The following HERC3 variants were observed in gnomAD, a reference collection of about 807,000 sequenced individuals.
HERC3 encodes the protein HECT and RLD domain containing E3 ubiquitin protein ligase 3.
Under a neutral mutation model 129.9 loss-of-function variants are expected in HERC3, and 58 were observed. That is an observed-to-expected ratio of 0.45 (90% confidence interval 0.36 to 0.56). The LOEUF is 0.56. Among genes scored for constraint, HERC3 ranks in the 20% least tolerant of loss-of-function variants. The probability of loss-of-function intolerance (pLI) is 0.00; values close to 1 mark genes in which losing one functional copy is unlikely to be tolerated. For synonymous variants in HERC3, 430 were observed against 451.0 expected (o/e 0.95, Z 0.59); for missense variants, 835 against 1,244.2 (o/e 0.67, Z 4.95).
intron 3 of HERC3, among the ~76,000 whole-genome samples, chr4:88,611,513 G>A (rs1724323193): frequency 6.6e-6 from 1 of 152,138 alleles, no homozygotes; most frequent in African/African-American, 2.4e-5. Flanking sequence ...GGGGGTTATG[G>A]GCAGGTCTGT....
intron 4 of HERC3, among the ~76,000 whole-genome samples, 173 bp downstream of exon 4, chr4:88,650,172 G>A (rs1729122150): frequency 6.6e-6 from 1 of 152,160 alleles, no homozygotes; most frequent in African/African-American, 2.4e-5. Flanking sequence ...TTATAGAAGT[G>A]TCTGTCTCTG....
At chr4:88,655,339 G>A (rs1729765801) in intron 8 of HERC3, 35 bp downstream of exon 8, 1 of 1,609,594 alleles carries the variant, frequency 6.2e-7, no homozygotes, top group African/African-American at 1.3e-5. Flanking sequence ...GTATTCACTA[G>A]GACCCAGAAA....
chr4:88,572,051 C>G, the HERC3 span, among the ~76,000 whole-genome samples: 6 of 152,208 alleles, frequency 3.9e-5, no homozygotes, highest in African/African-American at 1.4e-4. Flanking sequence ...AATTAGGACA[C>G]AGACATGCAT....
At chr4:88,635,531 A>G (rs2149248288) in intron 3 of HERC3, among the ~76,000 whole-genome samples, 1 of 152,306 alleles carries the variant, frequency 6.6e-6, no homozygotes, top group African/African-American at 2.4e-5. Context: ...GACTGATTGG[A>G]ATACCTGAAA....
At chr4:88,648,347 TC>T (rs1728918799) in intron 3 of HERC3, among the ~76,000 whole-genome samples, 1 of 152,214 alleles carries the variant, frequency 6.6e-6, no homozygotes. Flanking sequence ...TGGAGGCATA[TC>T]TTCCAGTAGC....
In HERC3 at chr4:88,667,454, TA is replaced by T; in HGVS notation, c.1411del (p.Met471Ter). The stretch of plus-strand genomic sequence containing the variant: ...TCAACTAGGGTGTTATTTGAGAAGT[TA>T]ATGAACTCTCAGCACTCCATGATTC... ...LNSTRVLFEKLMNSQHSMILE... is the reference protein window; with the variant it reads ...LNSTRVLFEKXMNSQHSMILE... On this transcript the variant is annotated frameshift_variant, in exon 13 of 26. Transcript: ENST00000402738. LOFTEE classifies it high-confidence loss of function. 1 of 1,605,488 alleles carries T rather than the reference TA, an allele frequency of 6.2e-7. No individual in the cohort carries two copies. The highest frequency in any genetic ancestry group is 8.5e-7 in the Non-Finnish European group (1 of 1,173,946).
chr4:88,592,654 A>C (rs981577352), intron 1 of HERC3, 80 bp downstream of exon 1: 5 of 152,208 alleles, frequency 3.3e-5, no homozygotes, highest in African/African-American at 1.2e-4. Context: ...TCCGCCTGGC[A>C]CTGCAGTCAG....
In HERC3 at chr4:88,605,880, GGGAATTGT is replaced by G; in HGVS notation, c.60_67del (p.Ile21Ter). 6.2e-7 allele frequency: 1 copy of G among 1,614,220 alleles called. No individual in the cohort carries two copies. The highest frequency in any genetic ancestry group is 8.5e-7 in the Non-Finnish European group (1 of 1,180,040). On this transcript the variant is annotated frameshift_variant, in exon 3 of 26. Coordinates refer to ENST00000402738, the MANE Select transcript of HERC3 (RefSeq NM_014606.3). LOFTEE classifies it high-confidence loss of function. ...AACCTGGTATCAGCACCAACCTGCA[GGGAATTGT>G]GGCTGAGCCCCAGGTGTGTGGGTTC...
At chr4:88,555,010 G>A in the HERC3 span, among the ~76,000 whole-genome samples, 6 of 150,484 alleles carry the variant, frequency 4.0e-5, no homozygotes, top group African/African-American at 1.2e-4. Context: ...TATCGTGGCC[G>A]TGCAGTGGCT....
the HERC3 span, among the ~76,000 whole-genome samples, chr4:88,586,328 G>A: frequency 6.6e-6 from 1 of 150,396 alleles, no homozygotes; most frequent in Non-Finnish European, 1.5e-5. Flanking sequence ...TAAATATTAT[G>A]TGTAGAATAA....
intron 3 of HERC3, among the ~76,000 whole-genome samples, chr4:88,610,330 G>T (rs531229543): frequency 6.6e-6 from 1 of 151,916 alleles, no homozygotes; most frequent in Admixed American, 6.6e-5. Flanking sequence ...GCGCGTGCCT[G>T]TAATCCCAGT....
chr4:88,580,145 C>T, the HERC3 span, among the ~76,000 whole-genome samples: 4 of 152,196 alleles, frequency 2.6e-5, no homozygotes, highest in East Asian at 1.9e-4. Context: ...AAATAAAAAA[C>T]GACAGTGTTT....
chr4:88,683,225 T>C (rs995160584), intron 21 of HERC3, among the ~76,000 whole-genome samples: 1 of 152,192 alleles, frequency 6.6e-6, no homozygotes, highest in Admixed American at 6.5e-5. Context: ...TTCTCTGTAT[T>C]GGTTTTGGGT....
At chr4:88,555,457 T>C in the HERC3 span, among the ~76,000 whole-genome samples, 11 of 152,158 alleles carry the variant, frequency 7.2e-5, no homozygotes, top group Admixed American at 1.3e-4. Flanking sequence ...TTAAAAACAT[T>C]TGATTTGTTT....
chr4:88,666,841 G>T (rs546025224), intron 12 of HERC3, among the ~76,000 whole-genome samples: 2 of 152,308 alleles, frequency 1.3e-5, no homozygotes, highest in East Asian at 3.9e-4. Context: ...TTAACGATGA[G>T]AGACATTAAC....
intron 2 of HERC3, among the ~76,000 whole-genome samples, chr4:88,602,514 A>G (rs902027211): frequency 2.6e-5 from 4 of 151,544 alleles, no homozygotes; most frequent in Admixed American, 1.3e-4. Flanking sequence ...GTCTCGCTCT[A>G]TTACCCAGGC....
chr4:88,635,800 C>T (rs1159758598), intron 3 of HERC3, among the ~76,000 whole-genome samples: 3 of 152,154 alleles, frequency 2.0e-5, no homozygotes, highest in Admixed American at 1.3e-4. Context: ...CAGCAGACCT[C>T]TCAGCAGAAA....
chr4:88,653,987 A>G, intron 6 of HERC3, 55 bp from the exon 7 acceptor site: 1 of 1,274,128 alleles, frequency 7.8e-7, no homozygotes, highest in Non-Finnish European at 1.1e-6. Flanking sequence ...ATAGTTGTGT[A>G]TATTTCATCT....
chr4:88,582,730 A>G, the HERC3 span, among the ~76,000 whole-genome samples: 1 of 152,158 alleles, frequency 6.6e-6, no homozygotes, highest in African/African-American at 2.4e-5. Context: ...TAATAGGCCA[A>G]CCTTTGTTCG....
Sources: gnomAD v4.1 joint callset for allele counts (sites outside exome capture counted in the v4.1 genomes callset) on GRCh38, gnomAD v4.1.1 for gene constraint, MANE v1.5 for transcripts, NCBI Gene and HGNC (gene_info 2026-07-23, HGNC 2026-07-21) for gene names.